RNF144A: variants seen among roughly 807,000 people sequenced by gnomAD.
RNF144A encodes ring finger protein 144A.
Under a neutral mutation model 38.7 loss-of-function variants are expected in RNF144A, and 11 were observed. The observed-to-expected ratio is 0.28, with a 90% CI of 0.18 to 0.47. The LOEUF (loss-of-function observed/expected upper bound fraction) is 0.47. Ranked by LOEUF, RNF144A falls within the 20% of genes least tolerant of loss-of-function variation. RNF144A has a pLI of 0.99. For missense variants in RNF144A, 316 were observed against 377.2 expected (o/e 0.84, Z 1.34); for synonymous variants, 149 against 143.9 (o/e 1.04, Z -0.25).
At chr2:7,063,725 C>T (rs771823401) in intron 6 of RNF144A, among the ~76,000 whole-genome samples, 11 of 152,042 alleles carry the variant, frequency 7.2e-5, no homozygotes, top group Non-Finnish European at 1.2e-4. Context: ...GAGAGCAAAA[C>T]GTTGCAAAAA....
intron 1 of RNF144A, among the ~76,000 whole-genome samples, chr2:6,918,985 G>A (rs1664357428): frequency 6.6e-6 from 1 of 152,172 alleles, no homozygotes; most frequent in African/African-American, 2.4e-5. Context: ...AGGAGGACAT[G>A]CCCCAGTGAA....
rs1253408387 is a variant in RNF144A at position 6,941,587 on chromosome 2, G to A, written c.-12+440G>A. On this transcript the variant is annotated intron_variant, in intron 2 of 8. Coordinates refer to ENST00000320892, the MANE Select transcript of RNF144A (RefSeq NM_014746.6). The surrounding 1 kb of genome is among the most constrained non-coding windows in gnomAD (Gnocchi z 6.5). ...TGGAGGATGGGGGTAGGGACAGTCA[G>A]GAAGAGACAGACAATTCTCATTTGA... Among the ~76,000 whole-genome samples the A allele has an allele frequency of 5.8e-4, 88 of 152,206 alleles. No individual in the cohort carries two copies. The highest frequency in any genetic ancestry group is 2.9e-5 in the Non-Finnish European group (2 of 68,036).
chr2:6,986,161 T>TA (rs1335668578), intron 2 of RNF144A, among the ~76,000 whole-genome samples: 38 of 152,162 alleles, frequency 2.5e-4, no homozygotes. Context: ...CATCCTCGGG[T>TA]TACAGATGAG....
chr2:7,008,965 T>G (rs1042606537), intron 3 of RNF144A, among the ~76,000 whole-genome samples: 1 of 152,006 alleles, frequency 6.6e-6, no homozygotes, highest in African/African-American at 2.4e-5. Context: ...TGAAAGAGAG[T>G]GTTTAACACA....
chr2:6,975,729 G>A (rs1668269213), intron 2 of RNF144A, among the ~76,000 whole-genome samples: 1 of 152,198 alleles, frequency 6.6e-6, no homozygotes, highest in African/African-American at 2.4e-5. Context: ...GGGAGGCTGA[G>A]GTGGGAGGAT....
At chr2:7,064,503 A>G (rs1674116162) in intron 6 of RNF144A, among the ~76,000 whole-genome samples, 1 of 152,192 alleles carries the variant, frequency 6.6e-6, no homozygotes, top group Non-Finnish European at 1.5e-5. Flanking sequence ...GGCTAACCCA[A>G]GGAGGGACAG....
At chr2:7,074,931 AT>A in the RNF144A span, among the ~76,000 whole-genome samples, 1 of 152,180 alleles carries the variant, frequency 6.6e-6, no homozygotes, top group Non-Finnish European at 1.5e-5. Flanking sequence ...GAGGTTCTCA[AT>A]TTTTTTCTAT....
chr2:6,964,485 G>A (rs547371242), intron 2 of RNF144A, among the ~76,000 whole-genome samples: 286 of 152,260 alleles, frequency 1.9e-3, no homozygotes, highest in Middle Eastern at 0.01. Context: ...TACCCAAAGG[G>A]CTATAAATCA....
At chr2:7,014,286 A>C (rs902493246) in intron 3 of RNF144A, among the ~76,000 whole-genome samples, 168 bp from the exon 4 acceptor site, 25 of 152,214 alleles carry the variant, frequency 1.6e-4, no homozygotes, top group African/African-American at 5.3e-4. Flanking sequence ...ATAGTTGTTG[A>C]ATGAATAAAA....
At position 7,041,901 on chromosome 2, in the gene RNF144A, C is replaced by T; in HGVS notation, c.*2141C>T. 1 of 985,434 alleles carries T rather than the reference C, an allele frequency of 1.0e-6. No homozygotes were observed. Among genetic ancestry groups the T allele is most frequent in the Non-Finnish European group, 1.2e-6 (1 of 829,956 alleles). 61.0% of individuals were successfully genotyped at this position (985,434 alleles called of 1,614,324 possible). On this transcript the variant is annotated 3_prime_UTR_variant, in exon 9 of 9. Coordinates refer to ENST00000320892, the MANE Select transcript of RNF144A (RefSeq NM_014746.6). ...CTTATTTCTAGAGGGACAGGCTGTTCTGTTGGAAGAGTCTCTGGCCCAGTC... is the reference window on the plus strand; with the variant it reads ...CTTATTTCTAGAGGGACAGGCTGTTTTGTTGGAAGAGTCTCTGGCCCAGTC...
In RNF144A at chr2:7,020,556, A is replaced by G; in HGVS notation, c.385A>G (p.Thr129Ala). The change falls in exon 6 of 9, where the codon ACC becomes GCC. Residue 129 changes from threonine to alanine, a missense_variant. Transcript: ENST00000320892. Reference sequence around the variant, plus strand: ...TCAGCTCCAGGACGTGGGGCTGCAGACCCCCCAGCCAGTGCAGTGCAAAGC... The same window carrying G: ...TCAGCTCCAGGACGTGGGGCTGCAGGCCCCCCAGCCAGTGCAGTGCAAAGC... ...VCQLQDVGLQ[T>A]PQPVQCKACR... 1.2e-6 allele frequency: 2 copies of G among 1,612,556 alleles called. No individual in the cohort carries two copies. The highest frequency in any genetic ancestry group is 1.7e-6 in the Non-Finnish European group (2 of 1,179,902).
chr2:6,996,797 C>T lies in RNF144A; in HGVS notation c.-11-119C>T. The T allele has an allele frequency of 4.2e-6, 4 of 963,412 alleles. No homozygotes were observed. In the South Asian group the frequency reaches 4.8e-5, roughly 12 times the overall value. The allele number at this position is 963,412 out of a possible 1,614,324, so 59.7% of individuals were successfully genotyped here. ...TCAGAACATCCAGATGCTCTAGGCT[C>T]CATCAGCAGTCAGTTGGCCACCTCC... On this transcript the variant is annotated intron_variant, in intron 2 of 8. Coordinates refer to ENST00000320892, the MANE Select transcript of RNF144A (RefSeq NM_014746.6).
At chr2:6,977,710 T>G (rs1356812840) in intron 2 of RNF144A, among the ~76,000 whole-genome samples, 1 of 152,256 alleles carries the variant, frequency 6.6e-6, no homozygotes, top group Non-Finnish European at 1.5e-5. Flanking sequence ...CAATTTTTTA[T>G]GGAGCACTTC....
chr2:7,038,350 CG>C (rs574983768), intron 8 of RNF144A, among the ~76,000 whole-genome samples: 58 of 152,264 alleles, frequency 3.8e-4, no homozygotes, highest in Non-Finnish European at 7.2e-4. Context: ...ACTCACATGG[CG>C]GGGGTGTGTG....
At chr2:6,995,913 G>A (rs908302746) in intron 2 of RNF144A, among the ~76,000 whole-genome samples, 1 of 152,188 alleles carries the variant, frequency 6.6e-6, no homozygotes, top group Admixed American at 6.5e-5. Context: ...CTTGCTGTGT[G>A]CGGCCGACCC....
At position 7,040,723 on chromosome 2, in the gene RNF144A, G is replaced by A. The variant is rs547502482; in HGVS notation, c.*963G>A. On this transcript the variant is annotated 3_prime_UTR_variant, in exon 9 of 9. Coordinates refer to ENST00000320892, the MANE Select transcript of RNF144A (RefSeq NM_014746.6). ...AAGAAGAAAGCAGCCTCATTGATCC[G>A]CAGATGTAGGGGCCTCTTGGCAGAG... is the stretch of plus-strand genomic sequence containing the variant. The A allele has an allele frequency of 5.8e-5, 57 of 985,352 alleles. No homozygotes were observed. Among genetic ancestry groups the A allele is most frequent in the Non-Finnish European group, 6.4e-5 (53 of 829,940 alleles). The allele number at this position is 985,352 out of a possible 1,614,324, so 61.0% of individuals were successfully genotyped here. A position where few individuals can be genotyped will look rare whatever the true frequency, so the allele number is the denominator to read the frequency against.
chr2:7,014,336 A>C (rs1203314271), intron 3 of RNF144A, 118 bp from the exon 4 acceptor site: 2 of 754,620 alleles, frequency 2.7e-6, no homozygotes, highest in Non-Finnish European at 4.7e-6. Flanking sequence ...TGGACTACAC[A>C]GTGAAAATAT....
chr2:7,015,424 A>G (rs1671071755), intron 5 of RNF144A, among the ~76,000 whole-genome samples: 1 of 152,210 alleles, frequency 6.6e-6, no homozygotes, highest in Non-Finnish European at 1.5e-5. Flanking sequence ...ATGACCCTTC[A>G]TCGTGAGCCC....
chr2:6,983,182 G>A (rs1307322142), intron 2 of RNF144A, among the ~76,000 whole-genome samples: 3 of 152,190 alleles, frequency 2.0e-5, no homozygotes, highest in Non-Finnish European at 1.5e-5. Context: ...AGGACATAGT[G>A]TTTGCAAGTC....
Sources: gnomAD v4.1 joint callset for allele counts (sites outside exome capture counted in the v4.1 genomes callset) on GRCh38, gnomAD v4.1.1 for gene constraint, Gnocchi (gnomAD v3.1) non-coding constraint, MANE v1.5 for transcripts, NCBI Gene and HGNC (gene_info 2026-07-23, HGNC 2026-07-21) for gene names.